Variants in SPART observed in about 807,000 individuals in gnomAD.
SPART encodes spartin, also known as spastic paraplegia 20 (Troyer syndrome).
In SPART, 35 loss-of-function variants were observed where a neutral mutation model predicts 58.7. That is an observed-to-expected ratio of 0.60 (90% CI 0.46 to 0.79). The LOEUF (loss-of-function observed/expected upper bound fraction) is 0.79, where lower values mean the gene tolerates loss of function less well. Ranked by LOEUF, SPART falls within the 30% of genes least tolerant of loss-of-function variation. The pLI, the probability that SPART is intolerant of heterozygous loss-of-function variation, is 0.00. For synonymous variants in SPART, 284 were observed against 280.7 expected (o/e 1.01, Z -0.12); for missense variants, 730 against 786.1 (o/e 0.93, Z 0.85).
At chr13:36,355,760 T>C (rs1487709084) in intron 1 of SPART, among the ~76,000 whole-genome samples, 1 of 152,100 alleles carries the variant, frequency 6.6e-6, no homozygotes, top group African/African-American at 2.4e-5. Flanking sequence ...CAGGCCATGA[T>C]GGGAAGTGGG....
chr13:36,366,806 C>T (rs1349397856), intron 1 of SPART, among the ~76,000 whole-genome samples: 1 of 14,176 alleles, frequency 7.1e-5, no homozygotes, highest in African/African-American at 3.8e-4. Flanking sequence ...TTATTTAAAC[C>T]GGCATGAGGA....
At chr13:36,314,055 A>C (rs1881412362) in intron 6 of SPART, 172 bp downstream of exon 6, 1 of 655,444 alleles carries the variant, frequency 1.5e-6, no homozygotes, top group African/African-American at 1.8e-5. Flanking sequence ...AGATAGGACG[A>C]TGTGATGTTG....
Position 36,335,527 on chromosome 13 carries a change from A to G in SPART, c.304T>C (p.Ser102Pro), listed in dbSNP as rs1338648355. The change falls in exon 2 of 9, where the codon TCT becomes CCT. Residue 102 changes from serine (S) to proline (P), a missense_variant. Transcript: ENST00000438666. ...LEILEKGLAT[S>P]LQNDLQEVPK... ...ACCTCCTGAAGATCATTCTGCAGAG[A>G]AGTGGCAAGACCCTTCTCTAGAATT... The G allele has an allele frequency of 6.2e-7, 1 of 1,614,168 alleles. No homozygotes were observed. The highest frequency in any genetic ancestry group is 2.2e-5 in the East Asian group (1 of 44,876).
At chr13:36,317,666 C>T (rs1426561877) in intron 5 of SPART, among the ~76,000 whole-genome samples, 1 of 151,938 alleles carries the variant, frequency 6.6e-6, no homozygotes, top group African/African-American at 2.4e-5. Flanking sequence ...TTTCTCTGCT[C>T]TCTCTTTTCT....
chr13:36,365,848 G>C (rs201870150), intron 1 of SPART: 1 of 223,430 alleles, frequency 4.5e-6, no homozygotes, highest in Non-Finnish European at 9.7e-6. Flanking sequence ...TTGGAGGTAA[G>C]AGCTCATCTT....
Position 36,335,523 on chromosome 13 carries a change from A to G in SPART, c.308T>C (p.Leu103Pro). 6.2e-7 allele frequency: 1 copy of G among 1,614,194 alleles called. No individual in the cohort carries two copies. The highest frequency in any genetic ancestry group is 8.5e-7 in the Non-Finnish European group (1 of 1,180,040). Residue 103 changes from leucine (L) to proline (P), a missense_variant, in exon 2 of 9, where the codon CTG (leucine) becomes CCG (proline). Transcript: ENST00000438666. ...EILEKGLATS[L>P]QNDLQEVPKL... ...GGGCACCTCCTGAAGATCATTCTGC[A>G]GAGAAGTGGCAAGACCCTTCTCTAG... is the stretch of plus-strand genomic sequence containing the variant.
At chr13:36,307,940 A>C (rs1431595554) in intron 8 of SPART, among the ~76,000 whole-genome samples, 2 of 152,118 alleles carry the variant, frequency 1.3e-5, no homozygotes, top group Admixed American at 1.3e-4. Context: ...CCAAGCATAA[A>C]ATTAAAGGAC....
intron 1 of SPART, chr13:36,360,868 T>A (rs1429127841): frequency 6.6e-6 from 1 of 152,646 alleles, no homozygotes; most frequent in Non-Finnish European, 1.5e-5. Flanking sequence ...TCTTGGTAGT[T>A]AGTCTTTTAA....
At chr13:36,306,162 C>T (rs1408836991) in intron 8 of SPART, among the ~76,000 whole-genome samples, 2 of 152,138 alleles carry the variant, frequency 1.3e-5, no homozygotes, top group Non-Finnish European at 2.9e-5. Context: ...AATTGGGGGC[C>T]TTCTCACCAG....
chr13:36,306,453 T>C (rs1430576367), intron 8 of SPART, among the ~76,000 whole-genome samples: 2 of 152,128 alleles, frequency 1.3e-5, no homozygotes, highest in African/African-American at 2.4e-5. Flanking sequence ...CCATGTGAGC[T>C]ACAATGAAGT....
intron 5 of SPART, among the ~76,000 whole-genome samples, chr13:36,319,318 TC>T (rs1333187094): frequency 6.9e-6 from 1 of 145,746 alleles, no homozygotes; most frequent in Non-Finnish European, 1.5e-5. Context: ...CCCTCTTGTA[TC>T]CCCCCACCTT....
chr13:36,331,740 A>G (rs1212167146), intron 2 of SPART, 144 bp from the exon 3 acceptor site: 11 of 635,618 alleles, frequency 1.7e-5, no homozygotes, highest in Non-Finnish European at 2.7e-5. Context: ...AGAAACATCA[A>G]CATCAACAAA....
upstream of SPART, among the ~76,000 whole-genome samples, chr13:36,349,611 A>C (rs1008806801): frequency 1.3e-5 from 2 of 152,236 alleles, no homozygotes; most frequent in Non-Finnish European, 2.9e-5. Flanking sequence ...AACCTGTATT[A>C]GTGGTCCTTC....
chr13:36,333,596 A>G (rs975941812), intron 2 of SPART, among the ~76,000 whole-genome samples: 1 of 152,136 alleles, frequency 6.6e-6, no homozygotes, highest in African/African-American at 2.4e-5. Flanking sequence ...AAAAATACAC[A>G]TGAGAAAGAT....
intron 1 of SPART, among the ~76,000 whole-genome samples, chr13:36,344,615 T>C (rs919879883): frequency 1.3e-5 from 2 of 152,202 alleles, no homozygotes; most frequent in Admixed American, 1.3e-4. Context: ...TGGGATTTGC[T>C]ATATCCTCAG....
chr13:36,332,273 G>T (rs540251206), intron 2 of SPART, among the ~76,000 whole-genome samples: 2 of 152,298 alleles, frequency 1.3e-5, no homozygotes, highest in East Asian at 3.9e-4. Context: ...GAGGTGGGGG[G>T]ATTATTTGAG....
intron 1 of SPART, among the ~76,000 whole-genome samples, chr13:36,340,349 C>T (rs1301304526): frequency 6.7e-6 from 1 of 149,530 alleles, no homozygotes; most frequent in Non-Finnish European, 1.5e-5. Flanking sequence ...GGCGACAGAG[C>T]AAGACTCTGT....
intron 8 of SPART, among the ~76,000 whole-genome samples, chr13:36,310,826 A>C (rs1468836768): frequency 6.6e-6 from 1 of 151,194 alleles, no homozygotes; most frequent in Admixed American, 6.6e-5. Flanking sequence ...CAGTCACACA[A>C]ATCACCTCTC....
chr13:36,347,310 C>T (rs997511624), upstream of SPART, among the ~76,000 whole-genome samples: 1 of 152,086 alleles, frequency 6.6e-6, no homozygotes, highest in African/African-American at 2.4e-5. Flanking sequence ...CCTCTGCTTC[C>T]CAGGTTCAAG....
Sources: allele counts gnomAD v4.1 joint callset (sites outside exome capture counted in the v4.1 genomes callset), GRCh38; gene constraint gnomAD v4.1.1; transcripts MANE v1.5; gene names NCBI Gene and HGNC (gene_info 2026-07-23, HGNC 2026-07-21).